Variants in JAKMIP1 observed in about 807,000 individuals in gnomAD.
JAKMIP1 encodes janus kinase and microtubule interacting protein 1.
A neutral mutation model predicts 113.0 loss-of-function variants in JAKMIP1; 33 were observed. That is an observed-to-expected ratio of 0.29 (90% CI 0.22 to 0.39). JAKMIP1 has a LOEUF of 0.39. JAKMIP1 is among the 10% of genes least tolerant of loss of function. The pLI, the probability that JAKMIP1 is intolerant of heterozygous loss-of-function variation, is 1.00. For missense variants in JAKMIP1, 813 were observed against 1,080.5 expected (o/e 0.75, Z 3.47); for synonymous variants, 480 against 459.9 (o/e 1.04, Z -0.56).
rs1718411750 is a variant in JAKMIP1, at chr4:6,067,957, G to A, written c.1303-2949C>T. On this transcript the variant is annotated intron_variant, in intron 8 of 20. Transcript: ENST00000409021. This position sits in a 1 kb window ranked among gnomAD's most constrained non-coding sequence, Gnocchi z 4.6. ...AAGGCCTTTGGGGACGAGTCTGTTT[G>A]TTGCTGTAGCCCAGGAAGCATCATC... Among the ~76,000 whole-genome samples, 1 of 152,158 alleles carries A rather than the reference G, an allele frequency of 6.6e-6. No homozygotes were observed. The highest frequency in any genetic ancestry group is 1.5e-5 in the Non-Finnish European group (1 of 68,032).
At position 6,042,165 on chromosome 4, in the gene JAKMIP1, C is replaced by T. The variant is rs1261450951; in HGVS notation, c.2091G>A (p.Lys697=). ...AGGCAGTCAAATCTTTTACCTTCTC[C>T]TTCTCCAGGTCCAGCATCTTCTGGG... ...ALTQKMLDLE[K]EKDLFSRQKG... Residue 697 remains lysine (K), a synonymous_variant, in exon 17 of 21, where the codon AAG becomes AAA. Transcript: ENST00000409021. The surrounding 1 kb of genome is among the most constrained non-coding windows in gnomAD (Gnocchi z 5.2). 1 of 1,613,792 alleles carries T rather than the reference C, an allele frequency of 6.2e-7. No individual in the cohort carries two copies. The highest frequency in any genetic ancestry group is 2.2e-5 in the East Asian group (1 of 44,882).
chr4:6,185,505 G>A lies in JAKMIP1; in HGVS notation c.-148+14748C>T, dbSNP rs1047424023. Among the ~76,000 whole-genome samples, 57 of 152,156 alleles carry A rather than the reference G, an allele frequency of 3.7e-4. No homozygotes were observed. The highest frequency in any genetic ancestry group is 6.6e-4 in the Non-Finnish European group (45 of 68,036). On this transcript the variant is annotated intron_variant, in intron 1 of 20. Transcript: ENST00000409021. The surrounding 1 kb of genome is among the most constrained non-coding windows in gnomAD (Gnocchi z 5.3). ...TACTAAAAAATACAAAAAATTAGCC[G>A]GGCGTGGTGGCAGACGCCTGTAGTC...
chr4:6,043,966 C>A (rs1398501587), intron 16 of JAKMIP1, among the ~76,000 whole-genome samples: 2 of 152,086 alleles, frequency 1.3e-5, no homozygotes, highest in African/African-American at 2.4e-5. Context: ...CTACACAGAG[C>A]TCCTCGAACA....
Position 6,056,697 on chromosome 4 carries a change from C to A in JAKMIP1, c.1707G>T (p.Lys569Asn). 1 of 1,613,242 alleles carries A rather than the reference C, an allele frequency of 6.2e-7. No individual in the cohort carries two copies. Residue 569 changes from lysine (K) to asparagine (N), a missense_variant and splice_region_variant, in exon 12 of 21, where the codon AAG becomes AAT. Physicochemically the swap from Lys to Asn is moderately conservative, Grantham distance 94 (BLOSUM62 0). Coordinates refer to ENST00000409021, the MANE Select transcript of JAKMIP1 (RefSeq NM_001099433.2). Reference protein sequence around the residue: ...LIRTNQDLLEKIYRLEMEENQ... With the variant: ...LIRTNQDLLENIYRLEMEENQ... ...GCTTCCCTGAGGTGGGGTCACGCAC[C>A]TTTTCCAGCAAGTCTTGGTTTGTTC...
At position 6,108,396 on chromosome 4, in the gene JAKMIP1, T is replaced by C. The variant is rs1335431327; in HGVS notation, c.130-2429A>G. On this transcript the variant is annotated intron_variant, in intron 2 of 20. Transcript: ENST00000409021. This position sits in a 1 kb window ranked among gnomAD's most constrained non-coding sequence, Gnocchi z 5.6. ...ACCTACACCAGCCGCTCCTCAGCAC[T>C]TGGACTCTAAATGCAGCCACGGCAC... 6.6e-6 allele frequency among the ~76,000 whole-genome samples: 1 copy of C among 152,124 alleles called. No individual in the cohort carries two copies. The highest frequency in any genetic ancestry group is 1.5e-5 in the Non-Finnish European group (1 of 68,018).
At position 6,106,058 on chromosome 4, in the gene JAKMIP1, TC is replaced by T; in HGVS notation, c.130-92del. ...ACAGCTGGGGGAGCTGGCCACAGCC[TC>T]CCCACGCCCAAGACACCCACCTGGG... On this transcript the variant is annotated intron_variant, in intron 2 of 20. Transcript: ENST00000409021. This position sits in a 1 kb window ranked among gnomAD's most constrained non-coding sequence, Gnocchi z 5.9. The T allele has an allele frequency of 2.3e-6, 2 of 859,698 alleles. No individual in the cohort carries two copies. The highest frequency in any genetic ancestry group is 1.8e-6 in the Non-Finnish European group (1 of 566,524). The allele number at this position is 859,698 out of a possible 1,614,324, so 53.3% of individuals were successfully genotyped here.
chr4:6,068,151 A>T (rs1222893747), intron 8 of JAKMIP1, among the ~76,000 whole-genome samples: 1 of 152,178 alleles, frequency 6.6e-6, no homozygotes, highest in Non-Finnish European at 1.5e-5. Context: ...AAGCCCTAAT[A>T]CAGGGCATTA....
intron 1 of JAKMIP1, among the ~76,000 whole-genome samples, chr4:6,171,870 T>C (rs1273620127): frequency 6.6e-6 from 1 of 152,216 alleles, no homozygotes; most frequent in African/African-American, 2.4e-5. Context: ...CTCCATTAAG[T>C]GGGGACAATG....
intron 7 of JAKMIP1, 22 bp from the exon 8 acceptor site, chr4:6,079,020 GGCATTT>G: frequency 6.2e-7 from 1 of 1,614,000 alleles, no homozygotes; most frequent in Non-Finnish European, 8.5e-7. Flanking sequence ...CACAACGGTT[GGCATTT>G]CCAGCCAGCC....
At position 6,106,891 on chromosome 4, in the gene JAKMIP1, C is replaced by A. The variant is rs1264424961; in HGVS notation, c.130-924G>T. On this transcript the variant is annotated intron_variant, in intron 2 of 20. Transcript: ENST00000409021. The surrounding 1 kb of genome is among the most constrained non-coding windows in gnomAD (Gnocchi z 5.9). ...TTGCCTCTGGTGGACAAGCTGCTTC[C>A]AGGGAAAATGGCAATGTTTTTCCCC... 1.3e-5 allele frequency among the ~76,000 whole-genome samples: 2 copies of A among 152,156 alleles called. No individual in the cohort carries two copies. The highest frequency in any genetic ancestry group is 4.8e-5 in the African/African-American group (2 of 41,440).
chr4:6,029,895 G>C, intron 19 of JAKMIP1, 114 bp from the exon 20 acceptor site: 1 of 753,338 alleles, frequency 1.3e-6, no homozygotes, highest in East Asian at 2.7e-5. Context: ...CAACACTGTG[G>C]GCAGCCTGAT....
chr4:6,060,100 C>T (rs1717053645), intron 11 of JAKMIP1, among the ~76,000 whole-genome samples: 1 of 152,176 alleles, frequency 6.6e-6, no homozygotes, highest in South Asian at 2.1e-4. Flanking sequence ...TAGAAAATGA[C>T]AGCTCTTCTT....
chr4:6,039,895 G>T (rs1714093402), intron 18 of JAKMIP1, among the ~76,000 whole-genome samples: 1 of 152,102 alleles, frequency 6.6e-6, no homozygotes, highest in Non-Finnish European at 1.5e-5. Flanking sequence ...TCTGCATTTT[G>T]TAGGTGCAAA....
chr4:6,159,602 GC>G (rs1722661294), intron 1 of JAKMIP1, among the ~76,000 whole-genome samples: 1 of 152,232 alleles, frequency 6.6e-6, no homozygotes, highest in African/African-American at 2.4e-5. Flanking sequence ...TGTTCAGCCT[GC>G]CTGGTAACTA....
At chr4:6,166,185 C>T (rs910863020) in intron 1 of JAKMIP1, among the ~76,000 whole-genome samples, 6 of 152,348 alleles carry the variant, frequency 3.9e-5, no homozygotes, top group Middle Eastern at 6.8e-3. Context: ...GTGGGCTTAG[C>T]TTCTGGGGGT....
Position 6,064,750 on chromosome 4 carries a change from C to T in JAKMIP1, c.1431+130G>A. The T allele has an allele frequency of 1.7e-6, 2 of 1,169,290 alleles. No homozygotes were observed. Among genetic ancestry groups the T allele is most frequent in the Non-Finnish European group, 2.4e-6 (2 of 829,314 alleles). 72.4% of individuals were successfully genotyped at this position (1,169,290 alleles called of 1,614,324 possible). ...TCACACCATTGGCTTTGATAATGCA[C>T]TGGTAGGAACTGGTCATCTGGGGTT... On this transcript the variant is annotated intron_variant, in intron 9 of 20. Coordinates refer to ENST00000409021, the MANE Select transcript of JAKMIP1 (RefSeq NM_001099433.2). The surrounding 1 kb of genome is among the most constrained non-coding windows in gnomAD (Gnocchi z 4.3).
rs1719684996 is a variant in JAKMIP1, at chr4:6,076,287, G to A, written c.1302+2652C>T. ...TCTGAGTTTCTAATGTCAATGTGCA[G>A]AAATTTGCCCCGTGTTCGACTTGGC... On this transcript the variant is annotated intron_variant, in intron 8 of 20. Coordinates refer to ENST00000409021, the MANE Select transcript of JAKMIP1 (RefSeq NM_001099433.2). The surrounding 1 kb of genome is among the most constrained non-coding windows in gnomAD (Gnocchi z 4.8). Among the ~76,000 whole-genome samples, 1 of 152,150 alleles carries A rather than the reference G, an allele frequency of 6.6e-6. No individual in the cohort carries two copies. Among genetic ancestry groups the A allele is most frequent in the South Asian group, 2.1e-4 (1 of 4,826 alleles).
rs913194084 is a variant in JAKMIP1 at position 6,044,737 on chromosome 4, T to C, written c.2029-2510A>G. Among the ~76,000 whole-genome samples, 10 of 152,174 alleles carry C rather than the reference T, an allele frequency of 6.6e-5. No individual in the cohort carries two copies. Among genetic ancestry groups the C allele is most frequent in the African/African-American group, 2.2e-4 (9 of 41,432 alleles). Reference sequence around the variant, plus strand: ...TGCTGCTGTCGTTTAAAAAATTGCATATAAAAAATAAATTCAACAAGACCT... The same window carrying C: ...TGCTGCTGTCGTTTAAAAAATTGCACATAAAAAATAAATTCAACAAGACCT... On this transcript the variant is annotated intron_variant, in intron 16 of 20. Coordinates refer to ENST00000409021, the MANE Select transcript of JAKMIP1 (RefSeq NM_001099433.2). This position sits in a 1 kb window ranked among gnomAD's most constrained non-coding sequence, Gnocchi z 4.4.
At chr4:6,104,090 A>C (rs1713519120) in intron 3 of JAKMIP1, among the ~76,000 whole-genome samples, 1 of 152,156 alleles carries the variant, frequency 6.6e-6, no homozygotes, top group Non-Finnish European at 1.5e-5. Context: ...TGTCTAAAAT[A>C]TGTTTTGCTC....
Sources: allele counts gnomAD v4.1 joint callset (sites outside exome capture counted in the v4.1 genomes callset), GRCh38; gene constraint gnomAD v4.1.1; non-coding constraint Gnocchi (gnomAD v3.1); transcripts MANE v1.5; gene names NCBI Gene and HGNC (gene_info 2026-07-23, HGNC 2026-07-21).